The following SPAG16 variants were observed in gnomAD, a reference collection of about 807,000 sequenced individuals.
The protein encoded by SPAG16 is sperm-associated antigen 16 protein.
In SPAG16, 86 loss-of-function variants were observed where a neutral mutation model predicts 80.4. The observed-to-expected ratio is 1.07, with a 90% CI of 0.90 to 1.28. The LOEUF (loss-of-function observed/expected upper bound fraction) is 1.28. SPAG16 is among the 50% of genes most tolerant of loss of function. SPAG16 has a pLI of 0.00. For missense variants in SPAG16, 870 were observed against 765.3 expected (o/e 1.14, Z -1.61); for synonymous variants, 294 against 265.9 (o/e 1.11, Z -1.03).
At chr2:213,976,292 A>G (rs1350226055) in intron 12 of SPAG16, among the ~76,000 whole-genome samples, 2 of 151,166 alleles carry the variant, frequency 1.3e-5, no homozygotes, top group South Asian at 2.1e-4. Flanking sequence ...ATGTGTGCAC[A>G]TATGCATACA....
At chr2:213,349,100 A>G (rs994757975) in intron 6 of SPAG16, among the ~76,000 whole-genome samples, 3 of 152,230 alleles carry the variant, frequency 2.0e-5, no homozygotes, top group African/African-American at 7.2e-5. Context: ...ATTAAGTAGT[A>G]TACTTTAAAT....
At chr2:214,258,307 GC>G (rs1470295527) in intron 15 of SPAG16, among the ~76,000 whole-genome samples, 1 of 151,888 alleles carries the variant, frequency 6.6e-6, no homozygotes, top group African/African-American at 2.4e-5. Flanking sequence ...TACTAGCTTA[GC>G]TCCCATTTAT....
intron 10 of SPAG16, among the ~76,000 whole-genome samples, chr2:213,821,170 T>C (rs2072911313): frequency 6.6e-6 from 1 of 152,142 alleles, no homozygotes; most frequent in African/African-American, 2.4e-5. Context: ...TTGTTTTCTA[T>C]TTTTATGAAT....
At chr2:214,313,069 A>G (rs1246829818) in intron 15 of SPAG16, among the ~76,000 whole-genome samples, 1 of 152,190 alleles carries the variant, frequency 6.6e-6, no homozygotes, top group Non-Finnish European at 1.5e-5. Context: ...ATTTCATTAC[A>G]TAATTTTAAA....
intron 13 of SPAG16, among the ~76,000 whole-genome samples, chr2:214,104,356 G>A (rs1424937391): frequency 6.6e-6 from 1 of 152,114 alleles, no homozygotes; most frequent in African/African-American, 2.4e-5. Context: ...ATGCAGGAGC[G>A]TGACATGGTC....
intron 12 of SPAG16, among the ~76,000 whole-genome samples, chr2:213,986,274 G>C (rs574992704): frequency 5.3e-5 from 8 of 152,148 alleles, no homozygotes; most frequent in Admixed American, 1.3e-4. Context: ...AGGAGAAATA[G>C]TCAAAGAACC....
At chr2:214,284,319 C>A (rs183672720) in intron 15 of SPAG16, among the ~76,000 whole-genome samples, 64 of 152,268 alleles carry the variant, frequency 4.2e-4, no homozygotes, top group African/African-American at 1.5e-3. Context: ...CTTATCTCAT[C>A]CCTTTAATTT....
intron 10 of SPAG16, among the ~76,000 whole-genome samples, chr2:213,702,355 C>T (rs1218532055): frequency 1.3e-5 from 2 of 152,314 alleles, no homozygotes; most frequent in Non-Finnish European, 1.5e-5. Context: ...TTTGTTCTTT[C>T]ACTTTTTGCA....
intron 10 of SPAG16, among the ~76,000 whole-genome samples, chr2:213,651,932 T>A (rs1477451893): frequency 1.3e-5 from 2 of 152,168 alleles, no homozygotes; most frequent in Non-Finnish European, 1.5e-5. Flanking sequence ...AATTTCTGCA[T>A]TTCTATTGGC....
At chr2:213,788,804 T>C (rs1053185565) in intron 10 of SPAG16, among the ~76,000 whole-genome samples, 2 of 151,932 alleles carry the variant, frequency 1.3e-5, no homozygotes, top group Admixed American at 1.3e-4. Flanking sequence ...TCAGCTCTTA[T>C]ATTTGTTTTT....
At chr2:213,860,590 G>T (rs965092279) in intron 10 of SPAG16, among the ~76,000 whole-genome samples, 7 of 151,562 alleles carry the variant, frequency 4.6e-5, no homozygotes, top group African/African-American at 1.7e-4. Context: ...TGTGGAATAG[G>T]AGTCCAAGTT....
At chr2:213,733,625 T>A (rs149635978) in intron 10 of SPAG16, among the ~76,000 whole-genome samples, 1,871 of 152,092 alleles carry the variant, frequency 0.012, 23 homozygotes, top group Middle Eastern at 0.024. Context: ...TGTATTTGGT[T>A]TCTAGTTAGT....
chr2:213,949,447 A>G (rs1433516673), intron 12 of SPAG16, among the ~76,000 whole-genome samples: 2 of 152,034 alleles, frequency 1.3e-5, no homozygotes, highest in East Asian at 3.9e-4. Flanking sequence ...GATTACAGGC[A>G]TGAGCCACCG....
intron 15 of SPAG16, among the ~76,000 whole-genome samples, chr2:214,262,414 A>C (rs1335988443): frequency 6.6e-6 from 1 of 152,008 alleles, no homozygotes; most frequent in Non-Finnish European, 1.5e-5. Context: ...AAAAGATTTC[A>C]TGTACTTTGA....
At chr2:213,766,457 C>T (rs1208383894) in intron 10 of SPAG16, among the ~76,000 whole-genome samples, 1 of 152,154 alleles carries the variant, frequency 6.6e-6, no homozygotes, top group Non-Finnish European at 1.5e-5. Context: ...CTGTCAGCAG[C>T]TCAGCTGAAA....
intron 10 of SPAG16, among the ~76,000 whole-genome samples, chr2:213,603,820 C>T (rs1389730452): frequency 6.6e-6 from 1 of 152,156 alleles, no homozygotes; most frequent in African/African-American, 2.4e-5. Context: ...CCATTAATTC[C>T]CTTGCTTATT....
intron 11 of SPAG16, among the ~76,000 whole-genome samples, chr2:213,878,055 T>C (rs936604703): frequency 1.3e-5 from 2 of 152,212 alleles, no homozygotes; most frequent in Non-Finnish European, 2.9e-5. Context: ...TAGTAGCTGA[T>C]AGAATGGATT....
intron 14 of SPAG16, among the ~76,000 whole-genome samples, chr2:214,112,568 G>T (rs773337645): frequency 5.3e-4 from 80 of 150,848 alleles, no homozygotes; most frequent in Non-Finnish European, 9.3e-4. Flanking sequence ...TTATGTAATG[G>T]CTTCTTTGTC....
At chr2:213,906,269 C>A (rs1303935271) in intron 11 of SPAG16, among the ~76,000 whole-genome samples, 1 of 150,822 alleles carries the variant, frequency 6.6e-6, no homozygotes. Flanking sequence ...ACAATAGAAA[C>A]AAAATAATAA....
Sources: gnomAD v4.1 joint callset for allele counts (sites outside exome capture counted in the v4.1 genomes callset) on GRCh38, gnomAD v4.1.1 for gene constraint, MANE v1.5 for transcripts, NCBI Gene and HGNC (gene_info 2026-07-23, HGNC 2026-07-21) for gene names.